FOXN3: variants seen among roughly 807,000 people sequenced by gnomAD.
The protein encoded by FOXN3 is forkhead box N3, also known as forkhead box protein N3.
In FOXN3, 7 loss-of-function variants were observed where a neutral mutation model predicts 38.4. That is an observed-to-expected ratio of 0.18 (90% CI 0.10 to 0.34). The LOEUF (loss-of-function observed/expected upper bound fraction) is 0.34, where lower values mean the gene tolerates loss of function less well. FOXN3 is among the 10% of genes least tolerant of loss of function. The pLI, the probability that FOXN3 is intolerant of heterozygous loss-of-function variation, is 1.00. For synonymous variants in FOXN3, 230 were observed against 242.2 expected (o/e 0.95, Z 0.47); for missense variants, 456 against 613.4 (o/e 0.74, Z 2.71).
intron 1 of FOXN3, among the ~76,000 whole-genome samples, chr14:89,611,369 T>C (rs1360070071): frequency 6.6e-6 from 1 of 152,210 alleles, no homozygotes; most frequent in East Asian, 1.9e-4. Context: ...AATCTGTTTT[T>C]TGTGTTAGAC....
intron 1 of FOXN3, among the ~76,000 whole-genome samples, chr14:89,579,786 C>T (rs896742120): frequency 6.6e-5 from 10 of 152,280 alleles, no homozygotes; most frequent in Admixed American, 6.5e-4. Flanking sequence ...TTTTACCCTG[C>T]ATGATTATCT....
chr14:89,197,249 A>T (rs910940057), intron 4 of FOXN3, among the ~76,000 whole-genome samples: 5 of 152,212 alleles, frequency 3.3e-5, no homozygotes, highest in African/African-American at 1.2e-4. Context: ...AGCTTGTGCC[A>T]GTAATCCCAC....
Position 89,512,715 on chromosome 14 carries a change from C to T in FOXN3, c.-14-100225G>A, listed in dbSNP as rs77870901. Reference sequence around the variant, plus strand: ...TGCTGTTTCTCAACTGCCTTCAGCTCAAAATAATCAATGTGTCAAAGAGAC... The same window carrying T: ...TGCTGTTTCTCAACTGCCTTCAGCTTAAAATAATCAATGTGTCAAAGAGAC... On this transcript the variant is annotated intron_variant, in intron 1 of 6. Transcript: ENST00000345097. Among the ~76,000 whole-genome samples, 30 of 152,294 alleles carry T rather than the reference C, an allele frequency of 2.0e-4. No individual in the cohort carries two copies. In the East Asian group the frequency reaches 5.2e-3, roughly 26 times the overall value.
At chr14:89,382,643 C>T (rs138824056) in intron 2 of FOXN3, among the ~76,000 whole-genome samples, 1 of 152,354 alleles carries the variant, frequency 6.6e-6, no homozygotes, top group East Asian at 1.9e-4. Flanking sequence ...TTCTGTTCTG[C>T]TCCTTCCTAG....
At chr14:89,263,704 G>A (rs576605135) in intron 4 of FOXN3, 14 of 152,280 alleles carry the variant, frequency 9.2e-5, no homozygotes, top group Admixed American at 3.3e-4. Context: ...TTGGAATAAC[G>A]TATGTCCAGC....
At chr14:89,344,227 A>G (rs1888702125) in intron 3 of FOXN3, among the ~76,000 whole-genome samples, 1 of 151,906 alleles carries the variant, frequency 6.6e-6, no homozygotes, top group East Asian at 1.9e-4. Context: ...TTATTTTTAC[A>G]TTGAAAATTT....
At chr14:89,474,603 C>T (rs1019037825) in intron 1 of FOXN3, among the ~76,000 whole-genome samples, 4 of 152,096 alleles carry the variant, frequency 2.6e-5, no homozygotes, top group African/African-American at 9.7e-5. Context: ...TAACAATTTG[C>T]GGCAATCAGA....
chr14:89,427,740 G>A (rs1037684604), intron 1 of FOXN3, among the ~76,000 whole-genome samples: 2 of 151,928 alleles, frequency 1.3e-5, no homozygotes, highest in Non-Finnish European at 2.9e-5. Flanking sequence ...GATACTGAAC[G>A]TCACCAACAG....
intron 2 of FOXN3, among the ~76,000 whole-genome samples, chr14:89,409,060 C>A (rs190960353): frequency 8.6e-4 from 131 of 152,286 alleles, no homozygotes; most frequent in Non-Finnish European, 1.5e-3. Context: ...AGCAGCTGGC[C>A]TGGGGGAACC....
chr14:89,480,660 T>C (rs904687099), intron 1 of FOXN3, among the ~76,000 whole-genome samples: 58 of 152,220 alleles, frequency 3.8e-4, no homozygotes, highest in African/African-American at 1.4e-3. Flanking sequence ...CATTACTTTG[T>C]ACAAATAAAT....
intron 2 of FOXN3, among the ~76,000 whole-genome samples, chr14:89,398,443 G>A (rs1187724265): frequency 2.0e-5 from 3 of 152,070 alleles, no homozygotes; most frequent in African/African-American, 7.2e-5. Flanking sequence ...GGCACTTTGA[G>A]GGCAGCTGAC....
intron 4 of FOXN3, among the ~76,000 whole-genome samples, chr14:89,198,229 T>C (rs1265355532): frequency 6.6e-6 from 1 of 152,246 alleles, no homozygotes; most frequent in East Asian, 1.9e-4. Flanking sequence ...AACAATGCCA[T>C]CTAACAACTA....
At chr14:89,556,193 C>T (rs948972914) in intron 1 of FOXN3, among the ~76,000 whole-genome samples, 2 of 151,936 alleles carry the variant, frequency 1.3e-5, no homozygotes, top group African/African-American at 2.4e-5. Flanking sequence ...CACCTGAGGT[C>T]GGGAGTTTGA....
chr14:89,342,371 C>G (rs1285486175), intron 3 of FOXN3, among the ~76,000 whole-genome samples: 2 of 152,164 alleles, frequency 1.3e-5, no homozygotes, highest in Non-Finnish European at 2.9e-5. Context: ...TAAAACAACA[C>G]AGGATTGACT....
intron 1 of FOXN3, among the ~76,000 whole-genome samples, chr14:89,469,841 G>A (rs1043792290): frequency 8.5e-5 from 13 of 152,242 alleles, no homozygotes; most frequent in South Asian, 2.1e-4. Context: ...CCATGTACAC[G>A]TCCGTGCTTT....
chr14:89,513,658 G>T (rs185054416), intron 1 of FOXN3, among the ~76,000 whole-genome samples: 2 of 152,128 alleles, frequency 1.3e-5, no homozygotes, highest in African/African-American at 4.8e-5. Context: ...GCAATGGCAC[G>T]ATCTCGGCTC....
chr14:89,306,428 C>T (rs1887378575), intron 3 of FOXN3, among the ~76,000 whole-genome samples: 1 of 151,904 alleles, frequency 6.6e-6, no homozygotes, highest in African/African-American at 2.4e-5. Flanking sequence ...AGTACAGTGG[C>T]ACCATCTCGG....
At chr14:89,324,778 C>CAACTGCCTGG (rs1215904408) in intron 3 of FOXN3, among the ~76,000 whole-genome samples, 1 of 152,122 alleles carries the variant, frequency 6.6e-6, no homozygotes, top group Non-Finnish European at 1.5e-5. Context: ...TTGACCAGCA[C>CAACTGCCTGG]AACTGCCTGG....
intron 2 of FOXN3, among the ~76,000 whole-genome samples, chr14:89,399,238 C>T (rs557331079): frequency 2.4e-4 from 36 of 152,264 alleles, no homozygotes; most frequent in African/African-American, 8.4e-4. Context: ...GTGCTGATGC[C>T]ACTGGGCACT....
Sources: gnomAD v4.1 joint callset for allele counts (sites outside exome capture counted in the v4.1 genomes callset) on GRCh38, gnomAD v4.1.1 for gene constraint, MANE v1.5 for transcripts, NCBI Gene and HGNC (gene_info 2026-07-23, HGNC 2026-07-21) for gene names.